The following PRKCH variants were observed in gnomAD, a reference collection of about 807,000 sequenced individuals.
PRKCH encodes protein kinase C eta, also known as protein kinase C eta type.
Under a neutral mutation model 82.5 loss-of-function variants are expected in PRKCH, and 28 were observed. The observed-to-expected ratio is 0.34, with a 90% CI of 0.25 to 0.47. The LOEUF (loss-of-function observed/expected upper bound fraction) is 0.47, where lower values mean the gene tolerates loss of function less well. Ranked by LOEUF, PRKCH falls within the 20% of genes least tolerant of loss-of-function variation. The pLI is 1.00. For missense variants in PRKCH, 705 were observed against 881.8 expected, an observed-to-expected ratio of 0.80 and a Z score of 2.54; for synonymous variants, 322 against 327.4, an observed-to-expected ratio of 0.98 and a Z score of 0.18.
intron 2 of PRKCH, among the ~76,000 whole-genome samples, chr14:61,409,528 C>T (rs566174718): frequency 2.6e-5 from 4 of 151,386 alleles, no homozygotes; most frequent in African/African-American, 7.3e-5. Flanking sequence ...AGATGCCAGG[C>T]ATCTCCACCA....
At chr14:61,305,176 CTAAT>C (rs1381072821) in intron 1 of PRKCH, 1 of 151,904 alleles carries the variant, frequency 6.6e-6, no homozygotes, top group Admixed American at 6.6e-5. Context: ...TACTGAGACT[CTAAT>C]TATTATTATC....
At chr14:61,444,589 C>G (rs1056323478) in intron 3 of PRKCH, among the ~76,000 whole-genome samples, 2 of 152,106 alleles carry the variant, frequency 1.3e-5, no homozygotes, top group Non-Finnish European at 2.9e-5. Context: ...TAACGCTCCC[C>G]CCCTCCACAC....
At chr14:61,493,246 A>G (rs1886532417) in intron 10 of PRKCH, among the ~76,000 whole-genome samples, 1 of 152,220 alleles carries the variant, frequency 6.6e-6, no homozygotes, top group Non-Finnish European at 1.5e-5. Flanking sequence ...CAGCCCCGCC[A>G]TGGAAGCTCC....
chr14:61,203,527 A>T (rs2044499001), intron 1 of PRKCH, among the ~76,000 whole-genome samples: 1 of 152,110 alleles, frequency 6.6e-6, no homozygotes, highest in Non-Finnish European at 1.5e-5. Context: ...GCGATTATGA[A>T]CACTAGGGAG....
intron 1 of PRKCH, chr14:61,344,531 G>A (rs773051388): frequency 2.6e-5 from 4 of 152,298 alleles, no homozygotes; most frequent in Non-Finnish European, 5.9e-5. Context: ...AGAGCCACAA[G>A]CAAGGTAGTG....
intron 1 of PRKCH, among the ~76,000 whole-genome samples, chr14:61,292,771 CAAAAA>C (rs33918460): frequency 1.4e-5 from 1 of 69,578 alleles, no homozygotes; most frequent in Non-Finnish European, 2.4e-5. Flanking sequence ...ACTCCATCTC[CAAAAA>C]AAAAAAAAAA....
At chr14:61,305,810 T>TG (rs1380168429) in intron 1 of PRKCH, 1 of 152,232 alleles carries the variant, frequency 6.6e-6, no homozygotes, top group African/African-American at 2.4e-5. Context: ...TTCCAACATT[T>TG]GGGTCATCTT....
At chr14:61,474,837 G>A (rs1885660149) in intron 9 of PRKCH, among the ~76,000 whole-genome samples, 1 of 152,186 alleles carries the variant, frequency 6.6e-6, no homozygotes, top group Admixed American at 6.5e-5. Context: ...ACTCAGAATA[G>A]CATGTGAAAG....
intron 9 of PRKCH, among the ~76,000 whole-genome samples, chr14:61,461,721 A>G (rs979504439): frequency 2.0e-5 from 3 of 152,242 alleles, no homozygotes; most frequent in African/African-American, 7.2e-5. Flanking sequence ...TCATCAACAG[A>G]TCATGTTATG....
At chr14:61,498,422 A>C (rs927785536) in intron 10 of PRKCH, among the ~76,000 whole-genome samples, 26 of 152,166 alleles carry the variant, frequency 1.7e-4, no homozygotes, top group African/African-American at 5.6e-4. Flanking sequence ...CCCCAGCCTC[A>C]CGCCGTGACC....
At chr14:61,239,368 C>A (rs1178759328) in intron 1 of PRKCH, among the ~76,000 whole-genome samples, 1 of 152,114 alleles carries the variant, frequency 6.6e-6, no homozygotes, top group Non-Finnish European at 1.5e-5. Flanking sequence ...ATTTAATGAG[C>A]GCCTGGGTGC....
chr14:61,439,158 A>C (rs189291896), intron 2 of PRKCH, among the ~76,000 whole-genome samples: 27 of 152,306 alleles, frequency 1.8e-4, no homozygotes, highest in Non-Finnish European at 3.2e-4. Context: ...TGGTTGATTT[A>C]AGCACCATAG....
At chr14:61,193,332 T>A (rs926314677) in intron 1 of PRKCH, among the ~76,000 whole-genome samples, 14 of 152,202 alleles carry the variant, frequency 9.2e-5, no homozygotes, top group Admixed American at 2.0e-4. Flanking sequence ...TAAAAATATT[T>A]TAGTATATTG....
rs137976111 is a variant in PRKCH at position 61,518,834 on chromosome 14, A to T, written c.1434-10241A>T. ...CTTTGTTTCATTATTGTTTTTTGAG[A>T]CAGGATCTTGCTCTGTTGCCCATGC... On this transcript the variant is annotated intron_variant, in intron 10 of 13. Transcript: ENST00000332981. 6.4e-4 allele frequency among the ~76,000 whole-genome samples: 98 copies of T among 152,204 alleles called. 1 individual carries two copies. The East Asian group carries it at 0.012, about 18-fold the overall frequency.
At chr14:61,334,918 T>C (rs2045836872) in intron 1 of PRKCH, among the ~76,000 whole-genome samples, 1 of 152,056 alleles carries the variant, frequency 6.6e-6, no homozygotes, top group Admixed American at 6.5e-5. Flanking sequence ...CCCAGGCTGG[T>C]CTTGAACTCC....
intron 2 of PRKCH, among the ~76,000 whole-genome samples, chr14:61,397,532 A>G (rs1482870256): frequency 6.6e-6 from 1 of 152,370 alleles, no homozygotes; most frequent in East Asian, 1.9e-4. Context: ...TCTGTGGAGC[A>G]TCAACATTTA....
At chr14:61,434,889 C>A (rs542104651) in intron 2 of PRKCH, among the ~76,000 whole-genome samples, 1 of 152,152 alleles carries the variant, frequency 6.6e-6, no homozygotes, top group African/African-American at 2.4e-5. Flanking sequence ...GCATATATGG[C>A]AGTTAAATTT....
At chr14:61,284,274 A>G (rs922889889) in intron 1 of PRKCH, among the ~76,000 whole-genome samples, 7 of 152,234 alleles carry the variant, frequency 4.6e-5, no homozygotes, top group African/African-American at 1.7e-4. Flanking sequence ...GGGCAGATGA[A>G]TTTGAAAGAT....
intron 2 of PRKCH, among the ~76,000 whole-genome samples, chr14:61,396,449 T>C (rs2046784758): frequency 6.6e-6 from 1 of 152,150 alleles, no homozygotes; most frequent in African/African-American, 2.4e-5. Context: ...AATCACATCA[T>C]AGATGCTGGA....
Sources: allele counts gnomAD v4.1 joint callset (sites outside exome capture counted in the v4.1 genomes callset), GRCh38; gene constraint gnomAD v4.1.1; transcripts MANE v1.5; gene names NCBI Gene and HGNC (gene_info 2026-07-23, HGNC 2026-07-21).